Variants in POU2F2 observed in about 807,000 individuals in gnomAD.
The protein encoded by POU2F2 is POU class 2 homeobox 2, also known as POU domain, class 2, transcription factor 2.
In POU2F2, 14 loss-of-function variants were observed where a neutral mutation model predicts 63.5. That is an observed-to-expected ratio of 0.22 (90% confidence interval 0.15 to 0.34). The LOEUF is 0.34. Ranked by LOEUF, POU2F2 falls within the 10% of genes least tolerant of loss-of-function variation. The pLI, the probability that POU2F2 is intolerant of heterozygous loss-of-function variation, is 1.00. For synonymous variants in POU2F2, 306 were observed against 348.6 expected (o/e 0.88, Z 1.36); for missense variants, 607 against 815.2 (o/e 0.74, Z 3.11).
At chr19:42,187,777 A>G (rs1162890470) in intron 1 of POU2F2, among the ~76,000 whole-genome samples, 1 of 151,396 alleles carries the variant, frequency 6.6e-6, no homozygotes, top group Non-Finnish European at 1.5e-5. Flanking sequence ...AAAAAAAAAA[A>G]AAACAGGTGG....
intron 2 of POU2F2, among the ~76,000 whole-genome samples, chr19:42,143,315 G>A (rs1030348594): frequency 1.3e-5 from 2 of 152,052 alleles, no homozygotes; most frequent in Admixed American, 6.5e-5. Context: ...TCAAGCTGCT[G>A]CACTCCACCC....
chr19:42,092,336 GT>G lies in POU2F2; in HGVS notation c.1265-67del. The G allele has an allele frequency of 7.9e-7, 1 of 1,270,020 alleles. No homozygotes were observed. The highest frequency in any genetic ancestry group is 1.3e-5 in the South Asian group (1 of 78,288). The allele number at this position is 1,270,020 out of a possible 1,614,324, so 78.7% of individuals were successfully genotyped here. ...CTCGTCCCCCACTGAGGAACCTGGG[GT>G]CAGCTCCTACTTGTCCTCCCGCCCA... On this transcript the variant is annotated intron_variant, in intron 12 of 14. Coordinates refer to ENST00000692977, the MANE Select transcript of POU2F2 (RefSeq NM_001394376.1). This position sits in a 1 kb window ranked among gnomAD's most constrained non-coding sequence, Gnocchi z 5.0.
intron 1 of POU2F2, among the ~76,000 whole-genome samples, chr19:42,160,784 T>C (rs1002294720): frequency 6.6e-6 from 1 of 152,054 alleles, no homozygotes; most frequent in African/African-American, 2.4e-5. Flanking sequence ...AATGGATGGG[T>C]GGATGGAGGA....
At position 42,117,367 on chromosome 19, in the gene POU2F2, C is replaced by A; in HGVS notation, c.252G>T (p.Gln84His). The A allele has an allele frequency of 6.5e-7, 1 of 1,529,308 alleles. No homozygotes were observed. The highest frequency in any genetic ancestry group is 8.7e-7 in the Non-Finnish European group (1 of 1,147,476). 94.7% of individuals were successfully genotyped at this position (1,529,308 alleles called of 1,614,324 possible). A position where few individuals can be genotyped will look rare whatever the true frequency, so the allele number is the denominator to read the frequency against. ...WGPGPCLSPPQIKAEDPSGDS... is the reference protein window; with the variant it reads ...WGPGPCLSPPHIKAEDPSGDS... ...CGCCACTGGGGTCTTCAGCCTTGAT[C>A]TGGGGGGGAGAGAGGCAGGGTCCGG... is the stretch of plus-strand genomic sequence containing the variant. Residue 84 changes from glutamine (Q) to histidine (H), a missense_variant, in exon 5 of 15, where the codon CAG (glutamine) becomes CAT (histidine). By Grantham distance (24) the Gln-to-His change is conservative (BLOSUM62 0). Around this residue, in one of 7 missense-constraint regions of POU2F2, gnomAD observed 224 missense variants for 264.3 expected, o/e 0.85. Coordinates refer to ENST00000692977, the MANE Select transcript of POU2F2 (RefSeq NM_001394376.1). The surrounding 1 kb of genome is among the most constrained non-coding windows in gnomAD (Gnocchi z 4.4).
intron 7 of POU2F2, 194 bp downstream of exon 7, chr19:42,099,333 C>A (rs940193043): frequency 1.7e-5 from 10 of 587,794 alleles, no homozygotes. Context: ...TGGGCCAGCT[C>A]CCCTCATTCT....
At chr19:42,105,994 TTC>T (rs1331739085) in intron 5 of POU2F2, among the ~76,000 whole-genome samples, 1 of 145,976 alleles carries the variant, frequency 6.9e-6, no homozygotes, top group East Asian at 2.0e-4. Flanking sequence ...TATAGGATCT[TTC>T]TTTTTTCTTT....
At chr19:42,161,545 G>C (rs1282796387) in intron 1 of POU2F2, among the ~76,000 whole-genome samples, 1 of 152,064 alleles carries the variant, frequency 6.6e-6, no homozygotes, top group Non-Finnish European at 1.5e-5. Flanking sequence ...AGTTCAAAAG[G>C]AGGAGGAGGA....
At chr19:42,123,470 T>C (rs1453153699) in intron 1 of POU2F2, among the ~76,000 whole-genome samples, 1 of 152,074 alleles carries the variant, frequency 6.6e-6, no homozygotes, top group African/African-American at 2.4e-5. Flanking sequence ...TGCTCACCAG[T>C]GCCAAGCATA....
At chr19:42,105,709 C>G (rs2146434857) in intron 5 of POU2F2, among the ~76,000 whole-genome samples, 1 of 152,270 alleles carries the variant, frequency 6.6e-6, no homozygotes, top group Middle Eastern at 3.4e-3. Context: ...TAGGGGTCAG[C>G]CTTAATCCCA....
At chr19:42,173,142 G>C (rs943932287) in intron 1 of POU2F2, among the ~76,000 whole-genome samples, 7 of 152,118 alleles carry the variant, frequency 4.6e-5, no homozygotes, top group African/African-American at 1.7e-4. Flanking sequence ...AAAATGATGA[G>C]TGAAATATAT....
At chr19:42,137,199 C>T (rs2146750141), upstream of POU2F2, 1 of 152,308 alleles carries the variant, frequency 6.6e-6, no homozygotes, top group Middle Eastern at 3.0e-3. Flanking sequence ...ACTAGCAGGG[C>T]ATGGTGGCAT....
At chr19:42,091,980 C>T in intron 13 of POU2F2, 40 bp from the exon 14 acceptor site, 1 of 1,535,882 alleles carries the variant, frequency 6.5e-7, no homozygotes, top group Admixed American at 2.0e-5. Context: ...GGGGCAGGGA[C>T]CTGCCAACAT....
Position 42,095,214 on chromosome 19 carries a change from G to A in POU2F2, c.1197+72C>T, listed in dbSNP as rs2076872618. 6.6e-7 allele frequency: 1 copy of A among 1,505,296 alleles called. No individual in the cohort carries two copies. Among genetic ancestry groups the A allele is most frequent in the African/African-American group, 1.4e-5 (1 of 72,408 alleles). 93.2% of individuals were successfully genotyped at this position (1,505,296 alleles called of 1,614,324 possible). A position where few individuals can be genotyped will look rare whatever the true frequency, so the allele number is the denominator to read the frequency against. ...CTGTTCTAGGCTCTGTGGACAACCAGGTAGGGTGGGCTTCACACAGGTGCC... is the reference window on the plus strand; with the variant it reads ...CTGTTCTAGGCTCTGTGGACAACCAAGTAGGGTGGGCTTCACACAGGTGCC... On this transcript the variant is annotated intron_variant, in intron 11 of 14. Coordinates refer to ENST00000692977, the MANE Select transcript of POU2F2 (RefSeq NM_001394376.1). This position sits in a 1 kb window ranked among gnomAD's most constrained non-coding sequence, Gnocchi z 7.1.
rs757599545 is a variant in POU2F2 at position 42,154,916 on chromosome 19, C to T, written c.-9+5416G>A. Among the ~76,000 whole-genome samples the T allele has an allele frequency of 1.7e-3, 257 of 152,272 alleles. 2 individuals carry two copies. The highest frequency in any genetic ancestry group is 2.9e-3 in the Non-Finnish European group (197 of 68,010). On this transcript the variant is annotated intron_variant, in intron 2 of 6. Transcript: ENST00000524801. Reference sequence around the variant, plus strand: ...GGATGATCTCAGGTAGCTTCAGGGACCAGCCAGAGCCGACTGGGACCTGAT... The same window carrying T: ...GGATGATCTCAGGTAGCTTCAGGGATCAGCCAGAGCCGACTGGGACCTGAT...
intron 1 of POU2F2, among the ~76,000 whole-genome samples, chr19:42,170,856 A>T (rs2034749179): frequency 6.6e-6 from 1 of 152,236 alleles, no homozygotes; most frequent in South Asian, 2.1e-4. Context: ...GTCTCTGGTC[A>T]TGGGCCCCCA....
chr19:42,145,533 C>T (rs1219301303), intron 2 of POU2F2, among the ~76,000 whole-genome samples: 1 of 152,204 alleles, frequency 6.6e-6, no homozygotes, highest in Non-Finnish European at 1.5e-5. Flanking sequence ...GAGCTCTGGA[C>T]ATTTGAAGGA....
chr19:42,107,976 T>TG (rs2030401044), intron 5 of POU2F2, among the ~76,000 whole-genome samples: 1 of 150,796 alleles, frequency 6.6e-6, no homozygotes, highest in Non-Finnish European at 1.5e-5. Flanking sequence ...ACCTCATACC[T>TG]TTGCTATACC....
chr19:42,128,218 G>T (rs911424189), intron 1 of POU2F2, among the ~76,000 whole-genome samples: 1 of 152,042 alleles, frequency 6.6e-6, no homozygotes, highest in African/African-American at 2.4e-5. Context: ...TGGAATGAAT[G>T]AATGCATTAA....
At position 42,117,973 on chromosome 19, in the gene POU2F2, G is replaced by GA. The variant is rs2032143913; in HGVS notation, c.187-542dup. On this transcript the variant is annotated intron_variant, in intron 4 of 14. Transcript: ENST00000692977. The surrounding 1 kb of genome is among the most constrained non-coding windows in gnomAD (Gnocchi z 4.4). Reference sequence around the variant, plus strand: ...AAGGTCTCACTCTGTTGCCCAAGCTGAAGTGCAGTGGCATGATCACAGCTT... The same window carrying GA: ...AAGGTCTCACTCTGTTGCCCAAGCTGAAAGTGCAGTGGCATGATCACAGCTT... 6.6e-6 allele frequency among the ~76,000 whole-genome samples: 1 copy of GA among 151,908 alleles called. No individual in the cohort carries two copies. Among genetic ancestry groups the GA allele is most frequent in the Non-Finnish European group, 1.5e-5 (1 of 67,988 alleles).
Sources: allele counts gnomAD v4.1 joint callset (sites outside exome capture counted in the v4.1 genomes callset), GRCh38; gene constraint gnomAD v4.1.1; regional missense constraint gnomAD v4.1.1; non-coding constraint Gnocchi (gnomAD v3.1); transcripts MANE v1.5; gene names NCBI Gene and HGNC (gene_info 2026-07-23, HGNC 2026-07-21).